The following ZRANB3 variants were observed in gnomAD, a reference collection of about 807,000 sequenced individuals.
ZRANB3 encodes the protein DNA annealing helicase and endonuclease ZRANB3.
ZRANB3 carries 125 observed loss-of-function variants against 133.8 expected under a neutral mutation model. The ratio of observed to expected loss-of-function variants is 0.93; its 90% CI spans 0.81 to 1.08. The LOEUF is 1.08. ZRANB3 is among the 50% of genes least tolerant of loss of function. The pLI is 0.00. For synonymous variants in ZRANB3, 387 were observed against 432.7 expected (o/e 0.89, Z 1.31); for missense variants, 1,229 against 1,275.5 (o/e 0.96, Z 0.56).
intron 2 of ZRANB3, among the ~76,000 whole-genome samples, chr2:135,463,180 G>A (rs1690837018): frequency 6.6e-6 from 1 of 152,114 alleles, no homozygotes; most frequent in African/African-American, 2.4e-5. Flanking sequence ...ATTGTTTTAA[G>A]TTGCTAAAAA....
chr2:135,420,115 ATATATATAT>A (rs1558988195), intron 2 of ZRANB3, among the ~76,000 whole-genome samples: 16,007 of 131,390 alleles, frequency 0.12, 1,228 homozygotes, highest in South Asian at 0.32. Context: ...ATATATATAT[ATATATATAT>A]AACTTATAGA....
intron 3 of ZRANB3, among the ~76,000 whole-genome samples, chr2:135,383,714 G>A (rs570388365): frequency 8.5e-5 from 13 of 152,176 alleles, no homozygotes; most frequent in South Asian, 2.1e-4. Context: ...ACACGACTAC[G>A]TGGAAACTGA....
chr2:135,310,826 G>A (rs1239669675), intron 8 of ZRANB3, among the ~76,000 whole-genome samples: 1 of 151,974 alleles, frequency 6.6e-6, no homozygotes, highest in Non-Finnish European at 1.5e-5. Flanking sequence ...TGTTGTATAT[G>A]TGCTGCTTTG....
At chr2:135,205,829 TAGC>T (rs1453179695) in intron 19 of ZRANB3, among the ~76,000 whole-genome samples, 21 of 152,344 alleles carry the variant, frequency 1.4e-4, no homozygotes, top group African/African-American at 4.8e-4. Flanking sequence ...TACACATACA[TAGC>T]CTCTGATTGT....
At chr2:135,215,787 C>A (rs894541153) in intron 17 of ZRANB3, among the ~76,000 whole-genome samples, 2 of 152,170 alleles carry the variant, frequency 1.3e-5, no homozygotes, top group African/African-American at 4.8e-5. Context: ...GATTTCTCAA[C>A]AGTGGTAATA....
At chr2:135,433,215 C>T (rs539654511) in intron 2 of ZRANB3, among the ~76,000 whole-genome samples, 14 of 152,030 alleles carry the variant, frequency 9.2e-5, no homozygotes, top group South Asian at 2.1e-4. Context: ...AGTGAAACTC[C>T]GTCTCTACAG....
At chr2:135,212,501 A>G (rs985927044) in intron 17 of ZRANB3, among the ~76,000 whole-genome samples, 1 of 152,210 alleles carries the variant, frequency 6.6e-6, no homozygotes, top group Non-Finnish European at 1.5e-5. Context: ...ACTAAAAATA[A>G]CCTTTTGCTT....
chr2:135,448,721 C>T (rs1690136887), intron 2 of ZRANB3, among the ~76,000 whole-genome samples: 1 of 152,156 alleles, frequency 6.6e-6, no homozygotes, highest in South Asian at 2.1e-4. Flanking sequence ...ATGCTGGCCA[C>T]AGGTACTTCA....
intron 3 of ZRANB3, among the ~76,000 whole-genome samples, chr2:135,356,270 A>C (rs1453001855): frequency 6.6e-6 from 1 of 152,200 alleles, no homozygotes; most frequent in Non-Finnish European, 1.5e-5. Context: ...TAAAAATTGC[A>C]AAGAGAGTAG....
chr2:135,429,881 A>C (rs912866778), intron 2 of ZRANB3, among the ~76,000 whole-genome samples: 1 of 152,204 alleles, frequency 6.6e-6, no homozygotes, highest in African/African-American at 2.4e-5. Flanking sequence ...AGAACTTTCC[A>C]GTGTATAAAA....
intron 6 of ZRANB3, among the ~76,000 whole-genome samples, chr2:135,319,181 A>T (rs1344828477): frequency 1.3e-5 from 2 of 152,224 alleles, no homozygotes; most frequent in Admixed American, 6.5e-5. Flanking sequence ...CAGAATTACG[A>T]ATAAAAAGTG....
At position 135,305,965 on chromosome 2, in the gene ZRANB3, A is replaced by G. The variant is rs184484453; in HGVS notation, c.966+7524T>C. On this transcript the variant is annotated intron_variant, in intron 8 of 20. Transcript: ENST00000264159. Reference sequence around the variant, plus strand: ...TGAGAAATCTGCTTTTACTCTGTTGAACATTCCCTTATATGTGATTTGATG... The same window carrying G: ...TGAGAAATCTGCTTTTACTCTGTTGGACATTCCCTTATATGTGATTTGATG... Among the ~76,000 whole-genome samples, 31 of 152,152 alleles carry G rather than the reference A, an allele frequency of 2.0e-4. 1 individual carries two copies. In the East Asian group the frequency reaches 5.8e-3, roughly 28 times the overall value.
rs1197482328 is a variant in ZRANB3 at position 135,421,656 on chromosome 2, A to T, written c.162-30836T>A. Among the ~76,000 whole-genome samples the T allele has an allele frequency of 3.3e-5, 5 of 152,020 alleles. No individual in the cohort carries two copies. In the South Asian group the frequency reaches 8.3e-4, roughly 25 times the overall value. Reference sequence around the variant, plus strand: ...TCTTTGCTACCAAAATTCCTCTCTGACTACTCTATATCTGTTGCTTCCATT... The same window carrying T: ...TCTTTGCTACCAAAATTCCTCTCTGTCTACTCTATATCTGTTGCTTCCATT... On this transcript the variant is annotated intron_variant, in intron 2 of 20. Coordinates refer to ENST00000264159, the MANE Select transcript of ZRANB3 (RefSeq NM_032143.4).
At chr2:135,238,100 C>G (rs1157120940) in intron 12 of ZRANB3, among the ~76,000 whole-genome samples, 2 of 152,180 alleles carry the variant, frequency 1.3e-5, no homozygotes, top group East Asian at 3.9e-4. Context: ...TCTCAGTTTC[C>G]TAATTAGAGT....
chr2:135,290,669 C>A (rs546951689), intron 8 of ZRANB3, among the ~76,000 whole-genome samples: 4 of 151,804 alleles, frequency 2.6e-5, no homozygotes, highest in East Asian at 3.9e-4. Flanking sequence ...TGGGCTCCCC[C>A]CCTCCACCCC....
intron 1 of ZRANB3, among the ~76,000 whole-genome samples, chr2:135,505,552 C>T (rs559895014): frequency 6.6e-6 from 1 of 151,324 alleles, no homozygotes; most frequent in East Asian, 1.9e-4. Flanking sequence ...CCAGCCTGGG[C>T]GACAGAGTGA....
chr2:135,507,312 T>C (rs571883916), intron 1 of ZRANB3, among the ~76,000 whole-genome samples: 124 of 152,304 alleles, frequency 8.1e-4, no homozygotes, highest in African/African-American at 2.7e-3. Context: ...TTGGGTATGC[T>C]TGAAAATATA....
intron 1 of ZRANB3, among the ~76,000 whole-genome samples, chr2:135,517,101 T>A (rs972170451): frequency 6.6e-6 from 1 of 151,996 alleles, no homozygotes; most frequent in Admixed American, 6.6e-5. Flanking sequence ...AAAGTTCTCA[T>A]GCTGTGTTTT....
In ZRANB3 at chr2:135,199,365, C is replaced by G. The variant is rs762678212; in HGVS notation, c.*977G>C. On this transcript the variant is annotated 3_prime_UTR_variant, in exon 21 of 21. Coordinates refer to ENST00000264159, the MANE Select transcript of ZRANB3 (RefSeq NM_032143.4). Reference sequence around the variant, plus strand: ...AGGCTGGAGTTCAATGGCGTGATCTCGGCTCACTGCAACCTCTGCTTCCCG... The same window carrying G: ...AGGCTGGAGTTCAATGGCGTGATCTGGGCTCACTGCAACCTCTGCTTCCCG... The G allele has an allele frequency of 6.6e-6, 1 of 152,168 alleles. No individual in the cohort carries two copies. Among genetic ancestry groups the G allele is most frequent in the Admixed American group, 6.6e-5 (1 of 15,264 alleles). The allele number at this position is 152,168 out of a possible 1,614,324, so 9.4% of individuals were successfully genotyped here.
Sources: allele counts gnomAD v4.1 joint callset (sites outside exome capture counted in the v4.1 genomes callset), GRCh38; gene constraint gnomAD v4.1.1; transcripts MANE v1.5; gene names NCBI Gene and HGNC (gene_info 2026-07-23, HGNC 2026-07-21).